PRKN: variants seen among roughly 807,000 people sequenced by gnomAD.
The protein encoded by PRKN is E3 ubiquitin-protein ligase parkin.
In PRKN, 56 loss-of-function variants were observed where a neutral mutation model predicts 59.5. That is an observed-to-expected ratio of 0.94 (90% CI 0.76 to 1.18). The LOEUF is 1.18. Among genes scored for constraint, PRKN ranks in the 50% most tolerant of loss-of-function variants. The pLI, the probability that PRKN is intolerant of heterozygous loss-of-function variation, is 0.00. For missense variants in PRKN, 657 were observed against 596.4 expected (o/e 1.10, Z -1.06); for synonymous variants, 250 against 222.1 (o/e 1.13, Z -1.12).
chr6:162,030,718 C>T (rs1783603042), intron 5 of PRKN, among the ~76,000 whole-genome samples: 2 of 152,158 alleles, frequency 1.3e-5, no homozygotes, highest in South Asian at 4.1e-4. Flanking sequence ...AGACCCTGGG[C>T]TCACACCCTG....
At chr6:161,476,131 G>T (rs1442391387) in intron 9 of PRKN, among the ~76,000 whole-genome samples, 1 of 151,402 alleles carries the variant, frequency 6.6e-6, no homozygotes, top group Non-Finnish European at 1.5e-5. Flanking sequence ...AGCTTGCAGT[G>T]AGCCGAGATC....
intron 7 of PRKN, among the ~76,000 whole-genome samples, chr6:161,732,439 T>C (rs1174907051): frequency 6.6e-6 from 1 of 151,656 alleles, no homozygotes; most frequent in Non-Finnish European, 1.5e-5. Context: ...TTTGTGTCAA[T>C]GTGTTCTCAT....
chr6:162,600,876 G>A (rs896786917), intron 1 of PRKN, among the ~76,000 whole-genome samples: 2 of 152,154 alleles, frequency 1.3e-5, no homozygotes, highest in African/African-American at 4.8e-5. Context: ...TATGCTTCCT[G>A]TACAACTTGC....
chr6:161,642,171 G>T (rs1310333191), intron 7 of PRKN, among the ~76,000 whole-genome samples: 1 of 152,118 alleles, frequency 6.6e-6, no homozygotes, highest in Non-Finnish European at 1.5e-5. Context: ...AATCTACCTA[G>T]AAGTCATTTA....
intron 1 of PRKN, chr6:162,569,226 C>T: frequency 1.7e-6 from 1 of 572,606 alleles, no homozygotes. Context: ...ATCAGCCAGC[C>T]CCAGGCTGAG....
intron 1 of PRKN, among the ~76,000 whole-genome samples, chr6:162,515,742 TG>T (rs1777825731): frequency 6.6e-6 from 1 of 152,162 alleles, no homozygotes. Context: ...TATGTCTAAA[TG>T]TTCTTTTCTG....
intron 6 of PRKN, among the ~76,000 whole-genome samples, chr6:161,939,340 C>T (rs918223963): frequency 7.2e-6 from 1 of 139,732 alleles, no homozygotes; most frequent in Admixed American, 7.7e-5. Context: ...ATCACTTGAG[C>T]CTGGGCGGTG....
intron 4 of PRKN, among the ~76,000 whole-genome samples, chr6:162,154,825 T>G (rs1454054544): frequency 6.6e-6 from 1 of 152,110 alleles, no homozygotes; most frequent in Non-Finnish European, 1.5e-5. Flanking sequence ...ATTTTTATTT[T>G]TTATATGAAT....
At chr6:161,945,924 G>T (rs1240431527) in intron 6 of PRKN, among the ~76,000 whole-genome samples, 1 of 152,152 alleles carries the variant, frequency 6.6e-6, no homozygotes. Context: ...CAAGGACGAA[G>T]AAATATTTTT....
At chr6:161,983,847 GTATACATA>G (rs1781335410) in intron 5 of PRKN, among the ~76,000 whole-genome samples, 1 of 119,382 alleles carries the variant, frequency 8.4e-6, no homozygotes, top group South Asian at 2.4e-4. Context: ...CACGGCACAT[GTATACATA>G]TGTAACTAAC....
At chr6:162,458,249 C>CT (rs1263177615) in intron 1 of PRKN, among the ~76,000 whole-genome samples, 1 of 89,590 alleles carries the variant, frequency 1.1e-5, no homozygotes, top group African/African-American at 4.5e-5. Context: ...GAGTGAGACT[C>CT]TATCTCAAAA....
rs1160079173 is a variant in PRKN, at chr6:161,400,804, G to A, written c.1084-13927C>T. Among the ~76,000 whole-genome samples, 1 of 152,168 alleles carries A rather than the reference G, an allele frequency of 6.6e-6. No individual in the cohort carries two copies. Among genetic ancestry groups the A allele is most frequent in the Non-Finnish European group, 1.5e-5 (1 of 68,036 alleles). On this transcript the variant is annotated intron_variant, in intron 9 of 11. Transcript: ENST00000366898. This position sits in a 1 kb window ranked among gnomAD's most constrained non-coding sequence, Gnocchi z 4.2. ...ATGAGGCGTAACTGCCCTGCAGTGAGAGCATATGAATTTTTCTGCCACACA... is the reference window on the plus strand; with the variant it reads ...ATGAGGCGTAACTGCCCTGCAGTGAAAGCATATGAATTTTTCTGCCACACA...
intron 2 of PRKN, among the ~76,000 whole-genome samples, chr6:162,374,656 T>C (rs1052941198): frequency 1.3e-5 from 2 of 152,078 alleles, no homozygotes; most frequent in Non-Finnish European, 2.9e-5. Context: ...TCGGTCTCAG[T>C]GTGTCTTATA....
intron 6 of PRKN, among the ~76,000 whole-genome samples, chr6:161,807,793 A>G (rs1406992633): frequency 1.3e-5 from 2 of 152,190 alleles, no homozygotes; most frequent in African/African-American, 2.4e-5. Flanking sequence ...ACCCTACTCC[A>G]GTAAAACCTC....
chr6:162,447,138 T>TA (rs1417327102), intron 1 of PRKN, among the ~76,000 whole-genome samples: 4 of 152,202 alleles, frequency 2.6e-5, no homozygotes, highest in African/African-American at 9.6e-5. Context: ...CCTATCCTCC[T>TA]AGTGCTGGGC....
At chr6:161,737,873 C>T (rs956793978) in intron 7 of PRKN, among the ~76,000 whole-genome samples, 1 of 152,206 alleles carries the variant, frequency 6.6e-6, no homozygotes, top group African/African-American at 2.4e-5. Context: ...AGTTTCAGAA[C>T]ACTCTGCATT....
chr6:161,857,651 G>T (rs530969965), intron 6 of PRKN, among the ~76,000 whole-genome samples: 1 of 152,286 alleles, frequency 6.6e-6, no homozygotes, highest in East Asian at 1.9e-4. Flanking sequence ...GCTCACATAA[G>T]CAGAATATCA....
chr6:161,964,703 A>G (rs1182741189), intron 6 of PRKN, among the ~76,000 whole-genome samples: 1 of 152,128 alleles, frequency 6.6e-6, no homozygotes, highest in East Asian at 1.9e-4. Flanking sequence ...AATTTCCATG[A>G]CAGAAAGAAA....
intron 5 of PRKN, among the ~76,000 whole-genome samples, chr6:162,025,935 G>T (rs972030393): frequency 2.0e-5 from 3 of 152,018 alleles, no homozygotes; most frequent in Non-Finnish European, 2.9e-5. Context: ...ATCAAGGCTT[G>T]GTAGATAGGG....
Sources: allele counts gnomAD v4.1 joint callset (sites outside exome capture counted in the v4.1 genomes callset), GRCh38; gene constraint gnomAD v4.1.1; non-coding constraint Gnocchi (gnomAD v3.1); transcripts MANE v1.5; gene names NCBI Gene and HGNC (gene_info 2026-07-23, HGNC 2026-07-21).